Variants in TSPAN7 observed in about 807,000 individuals in gnomAD.
The protein encoded by TSPAN7 is tetraspanin-7.
A neutral mutation model predicts 17.6 loss-of-function variants in TSPAN7; 1 was observed. That is an observed-to-expected ratio of 0.06 (90% CI 0.02 to 0.27). The LOEUF is 0.27. TSPAN7 is among the 10% of genes least tolerant of loss of function. The probability of loss-of-function intolerance (pLI) is 1.00; values close to 1 mark genes in which losing one functional copy is unlikely to be tolerated. For missense variants in TSPAN7, 112 were observed against 201.7 expected (o/e 0.56, Z 2.69); for synonymous variants, 78 against 79.0 (o/e 0.99, Z 0.07).
intron 1 of TSPAN7, among the ~76,000 whole-genome samples, chrX:38,648,642 G>A (rs1569311670): frequency 9.0e-6 from 1 of 111,643 alleles, no homozygotes; most frequent in East Asian, 2.8e-4. Flanking sequence ...CATCGTGACA[G>A]GGTCTCGCTG....
At chrX:38,657,804 C>G (rs142566299) in intron 1 of TSPAN7, among the ~76,000 whole-genome samples, 1 of 112,503 alleles carries the variant, frequency 8.9e-6, no homozygotes, top group East Asian at 2.8e-4. Context: ...TTAGTTGTTT[C>G]ACTACACATA....
At chrX:38,590,154 G>A (rs2069283210) in intron 1 of TSPAN7, among the ~76,000 whole-genome samples, 1 of 111,745 alleles carries the variant, frequency 8.9e-6, no homozygotes, top group Admixed American at 9.5e-5. Context: ...GCCCAGGCTG[G>A]AGTACAGTGG....
chrX:38,653,048 G>A (rs759654996), intron 1 of TSPAN7, among the ~76,000 whole-genome samples: 1 of 112,038 alleles, frequency 8.9e-6, no homozygotes, highest in East Asian at 2.8e-4. Flanking sequence ...CAAGAAAACT[G>A]CCTTCGAGTT....
chrX:38,671,046 T>A (rs2069818597), intron 2 of TSPAN7, among the ~76,000 whole-genome samples: 1 of 111,478 alleles, frequency 9.0e-6, no homozygotes, highest in Non-Finnish European at 1.9e-5. Flanking sequence ...AGCTCAAAGA[T>A]TCTAGTGTAA....
intron 2 of TSPAN7, among the ~76,000 whole-genome samples, chrX:38,667,966 A>G (rs1411490750): frequency 8.9e-6 from 1 of 112,433 alleles, no homozygotes; most frequent in Non-Finnish European, 1.9e-5. Flanking sequence ...AAAGCTCTCC[A>G]GAGGATTCAA....
intron 1 of TSPAN7, among the ~76,000 whole-genome samples, chrX:38,598,583 G>T (rs2069330498): frequency 9.0e-6 from 1 of 111,066 alleles, no homozygotes; most frequent in Non-Finnish European, 1.9e-5. Context: ...AAAAGGAATG[G>T]TTTTGTTCAG....
Position 38,674,275 on chromosome X carries a change from A to C in TSPAN7, c.400A>C (p.Asn134His). The C allele has an allele frequency of 8.3e-7, 1 of 1,200,750 alleles. No individual in the cohort carries two copies. Among genetic ancestry groups the C allele is most frequent in the Non-Finnish European group, 1.1e-6 (1 of 889,536 alleles). The change falls in exon 4 of 8, where the codon AAT (asparagine) becomes CAT (histidine). Residue 134 changes from asparagine (N) to histidine (H), a missense_variant. By Grantham distance (68) the Asn-to-His change is moderately conservative. Coordinates refer to ENST00000378482, the MANE Select transcript of TSPAN7 (RefSeq NM_004615.4). ...YTDAMQTYNG[N>H]DERSRAVDHV... ...GGACGCTATGCAGACTTACAATGGCAATGATGAGAGGAGCCGGGCAGTGGA... is the reference window on the plus strand; with the variant it reads ...GGACGCTATGCAGACTTACAATGGCCATGATGAGAGGAGCCGGGCAGTGGA...
At chrX:38,576,492 G>T (rs998987024) in intron 1 of TSPAN7, among the ~76,000 whole-genome samples, 2 of 112,069 alleles carry the variant, frequency 1.8e-5, no homozygotes, top group African/African-American at 3.2e-5. Context: ...GGATATAGTG[G>T]TTTAAATATA....
At position 38,561,585 on chromosome X, in the gene TSPAN7, C is replaced by G. The variant is rs1017390565; in HGVS notation, c.39C>G (p.Thr13=). ...SRRMETKPVI[T]CLKTLLIIYS... ...GAATGGAGACCAAACCTGTGATAACCTGTCTCAAAACCCTCCTCATCATCT... is the reference window on the plus strand; with the variant it reads ...GAATGGAGACCAAACCTGTGATAACGTGTCTCAAAACCCTCCTCATCATCT... The change falls in exon 1 of 8, where the codon ACC becomes ACG. Residue 13 remains threonine, a synonymous_variant. Coordinates refer to ENST00000378482, the MANE Select transcript of TSPAN7 (RefSeq NM_004615.4). 1.7e-6 allele frequency: 2 copies of G among 1,204,893 alleles called. No individual in the cohort carries two copies. The highest frequency in any genetic ancestry group is 1.1e-6 in the Non-Finnish European group (1 of 892,496).
chrX:38,575,959 T>C (rs1339562235), intron 1 of TSPAN7, among the ~76,000 whole-genome samples: 1 of 112,143 alleles, frequency 8.9e-6, no homozygotes, highest in Admixed American at 9.5e-5. Flanking sequence ...AACCACACTT[T>C]GGGAATTATT....
chrX:38,587,639 G>A (rs1288974788), intron 1 of TSPAN7, among the ~76,000 whole-genome samples: 1 of 111,491 alleles, frequency 9.0e-6, no homozygotes, highest in Non-Finnish European at 1.9e-5. Flanking sequence ...ACTGACTTCT[G>A]AATTTTACCA....
intron 1 of TSPAN7, among the ~76,000 whole-genome samples, chrX:38,604,322 G>A (rs1473912315): frequency 9.4e-6 from 1 of 106,657 alleles, no homozygotes; most frequent in East Asian, 3.0e-4. Context: ...GAATAGTGCT[G>A]CAATAAACAT....
intron 1 of TSPAN7, among the ~76,000 whole-genome samples, chrX:38,605,066 T>G: frequency 9.1e-6 from 1 of 109,337 alleles, no homozygotes. Flanking sequence ...CCGGGGCAAT[T>G]AGGCAGGAGA....
intron 1 of TSPAN7, among the ~76,000 whole-genome samples, chrX:38,628,466 G>C (rs57687035): frequency 3.6e-5 from 4 of 111,520 alleles, no homozygotes; most frequent in Non-Finnish European, 5.7e-5. Flanking sequence ...AGTCCTTACC[G>C]GTGCATAGTG....
intron 1 of TSPAN7, among the ~76,000 whole-genome samples, chrX:38,662,846 GTGT>G (rs1315300992): frequency 1.8e-5 from 2 of 110,096 alleles, no homozygotes; most frequent in Non-Finnish European, 3.8e-5. Context: ...TGGAAGGGGC[GTGT>G]CTAACCCAGT....
intron 5 of TSPAN7, among the ~76,000 whole-genome samples, chrX:38,676,740 A>G (rs2069856190): frequency 1.8e-5 from 2 of 112,245 alleles, no homozygotes; most frequent in Admixed American, 9.4e-5. Flanking sequence ...AATAATTCAG[A>G]GAAAAAAAGA....
At chrX:38,575,512 T>G (rs1466889742) in intron 1 of TSPAN7, among the ~76,000 whole-genome samples, 1 of 111,710 alleles carries the variant, frequency 9.0e-6, no homozygotes, top group Non-Finnish European at 1.9e-5. Flanking sequence ...TTCATTTCAG[T>G]GAGAGAAACT....
chrX:38,680,544 TCTC>T (rs2069883087), intron 5 of TSPAN7, among the ~76,000 whole-genome samples: 6 of 40,736 alleles, frequency 1.5e-4, no homozygotes, highest in African/African-American at 5.7e-4. Context: ...ACAAATTCTC[TCTC>T]TCTCTCTCTC....
At chrX:38,566,115 G>A (rs958364549) in intron 1 of TSPAN7, among the ~76,000 whole-genome samples, 5 of 112,381 alleles carry the variant, frequency 4.4e-5, no homozygotes, top group African/African-American at 1.6e-4. Context: ...TGGAACCACC[G>A]TAGCAGAGCA....
Sources: allele counts gnomAD v4.1 joint callset (sites outside exome capture counted in the v4.1 genomes callset), GRCh38; gene constraint gnomAD v4.1.1; transcripts MANE v1.5; gene names NCBI Gene and HGNC (gene_info 2026-07-23, HGNC 2026-07-21).